The following FRYL variants were observed in gnomAD, a reference collection of about 807,000 sequenced individuals.
FRYL encodes the protein FRY like transcription coactivator.
Under a neutral mutation model 351.2 loss-of-function variants are expected in FRYL, and 150 were observed. That is an observed-to-expected ratio of 0.43 (90% confidence interval 0.37 to 0.49). The LOEUF (loss-of-function observed/expected upper bound fraction) is 0.49, where lower values mean the gene tolerates loss of function less well. Ranked by LOEUF, FRYL falls within the 20% of genes least tolerant of loss-of-function variation. The pLI, the probability that FRYL is intolerant of heterozygous loss-of-function variation, is 0.00. For missense variants in FRYL, 3,036 were observed against 3,619.3 expected (o/e 0.84, Z 4.13); for synonymous variants, 1,153 against 1,257.1 (o/e 0.92, Z 1.75).
At position 48,589,869 on chromosome 4, in the gene FRYL, C is replaced by T. The variant is rs762721444; in HGVS notation, c.1516G>A (p.Val506Ile). 2.7e-5 allele frequency: 43 copies of T among 1,611,326 alleles called. No homozygotes were observed. The South Asian group carries it at 4.6e-4, about 17-fold the overall frequency. ...GCTTTTCTTACTTGAGGATAGTAAACTGACATTCCTAGGGGAAAAAACTTC... is the reference window on the plus strand; with the variant it reads ...GCTTTTCTTACTTGAGGATAGTAAATTGACATTCCTAGGGGAAAAAACTTC... The part of the protein sequence containing the change: ...DEEAKVIGMS[V>I]YYPQVRKALD... The change falls in exon 18 of 64, where the codon GTT becomes ATT. Residue 506 changes from valine to isoleucine, a missense_variant. Around this residue, in one of 7 missense-constraint regions of FRYL, gnomAD observed 78 missense variants for 106.6 expected, o/e 0.73. Coordinates refer to ENST00000358350, the MANE Select transcript of FRYL (RefSeq NM_015030.2).
chr4:48,713,071 T>G (rs535845720), intron 1 of FRYL, among the ~76,000 whole-genome samples: 1 of 151,930 alleles, frequency 6.6e-6, no homozygotes, highest in African/African-American at 2.4e-5. Context: ...GAAGAGCTCC[T>G]GAAGGAAACA....
intron 34 of FRYL, 150 bp downstream of exon 34, chr4:48,557,303 A>C: frequency 8.3e-7 from 1 of 1,205,290 alleles, no homozygotes; most frequent in Non-Finnish European, 1.1e-6. Context: ...ATATGGTTTT[A>C]GTAAAAAAAA....
Position 48,535,806 on chromosome 4 carries a change from G to A in FRYL, c.6415C>T (p.Pro2139Ser). The A allele has an allele frequency of 6.5e-7, 1 of 1,540,442 alleles. No individual in the cohort carries two copies. Among genetic ancestry groups the A allele is most frequent in the Non-Finnish European group, 8.8e-7 (1 of 1,140,202 alleles). The change falls in exon 48 of 64, where the codon CCA becomes TCA. Residue 2139 changes from proline (P) to serine (S), a missense_variant. By Grantham distance (74) the Pro-to-Ser change is moderately conservative. Coordinates refer to ENST00000358350, the MANE Select transcript of FRYL (RefSeq NM_015030.2). ...ATGTGTGCCAGATTGACAAGTGTTG[G>A]GCATTTTTCTTCTGCACAAACCTAG... ...IAKVCAEEKCPTLVNLAHMMS... is the reference protein window; with the variant it reads ...IAKVCAEEKCSTLVNLAHMMS...
In FRYL at chr4:48,549,406, C is replaced by G; in HGVS notation, c.4784+67G>C. ...TTTCATTCTGTGTTGTCAGATAGCA[C>G]AAAGAAAGCCGACAGTGTTCAGCAG... is the stretch of plus-strand genomic sequence containing the variant. On this transcript the variant is annotated intron_variant, in intron 39 of 63. Transcript: ENST00000358350. This position sits in a 1 kb window ranked among gnomAD's most constrained non-coding sequence, Gnocchi z 4.2. 1.4e-6 allele frequency: 2 copies of G among 1,457,014 alleles called. No individual in the cohort carries two copies. The highest frequency in any genetic ancestry group is 1.9e-6 in the Non-Finnish European group (2 of 1,077,550). 90.3% of individuals were successfully genotyped at this position (1,457,014 alleles called of 1,614,324 possible). A position where few individuals can be genotyped will look rare whatever the true frequency, so the allele number is the denominator to read the frequency against.
chr4:48,776,816 C>A (rs1012977202), intron 1 of FRYL, among the ~76,000 whole-genome samples: 8 of 152,104 alleles, frequency 5.3e-5, no homozygotes, highest in Admixed American at 1.3e-4. Context: ...AGTCTACCCC[C>A]AAAACTACTT....
At chr4:48,721,487 C>G (rs1769466191) in intron 1 of FRYL, among the ~76,000 whole-genome samples, 1 of 151,472 alleles carries the variant, frequency 6.6e-6, no homozygotes, top group Admixed American at 6.6e-5. Context: ...ATAGGGAGAC[C>G]CCATCTCTAT....
chr4:48,566,408 G>A (rs1736796937), intron 28 of FRYL, among the ~76,000 whole-genome samples: 1 of 123,580 alleles, frequency 8.1e-6, no homozygotes, highest in African/African-American at 2.5e-5. Flanking sequence ...AAACCAATGT[G>A]GAAGTTGTAA....
chr4:48,681,143 T>C, intron 3 of FRYL: 2 of 1,170,656 alleles, frequency 1.7e-6, no homozygotes, highest in Non-Finnish European at 2.2e-6. Context: ...TTCTTCTACA[T>C]TACTAGGCCC....
At chr4:48,509,001 C>G (rs115908382) in intron 59 of FRYL, among the ~76,000 whole-genome samples, 1 of 152,202 alleles carries the variant, frequency 6.6e-6, no homozygotes, top group African/African-American at 2.4e-5. Flanking sequence ...GGTGTGGCGA[C>G]AAGAGAAGCA....
intron 5 of FRYL, among the ~76,000 whole-genome samples, chr4:48,622,496 G>T (rs1750863371): frequency 6.6e-6 from 1 of 152,104 alleles, no homozygotes; most frequent in African/African-American, 2.4e-5. Flanking sequence ...CAGTATTTTG[G>T]TAAGTCTCCA....
At chr4:48,544,956 A>G in intron 42 of FRYL, 52 bp from the exon 43 acceptor site, 1 of 1,553,286 alleles carries the variant, frequency 6.4e-7, no homozygotes, top group Non-Finnish European at 8.7e-7. Flanking sequence ...TGTGATTAAC[A>G]GTTGTACTCA....
intron 33 of FRYL, among the ~76,000 whole-genome samples, chr4:48,560,618 G>A (rs1297693891): frequency 3.3e-5 from 5 of 152,114 alleles, no homozygotes; most frequent in African/African-American, 4.8e-5. Flanking sequence ...CACGGCGGCC[G>A]CTATTTTGTG....
At chr4:48,655,354 ATTAGT>A (rs1203288209) in intron 3 of FRYL, among the ~76,000 whole-genome samples, 1 of 152,120 alleles carries the variant, frequency 6.6e-6, no homozygotes, top group African/African-American at 2.4e-5. Flanking sequence ...ACATCTCGTA[ATTAGT>A]TTAGACACCA....
In FRYL at chr4:48,671,858, CAAAAAAAAAAAAAACAA is replaced by C. The variant is rs1416303359; in HGVS notation, c.-81+12798_-81+12814del. Among the ~76,000 whole-genome samples, 44 of 22,400 alleles carry C rather than the reference CAAAAAAAAAAAAAACAA, an allele frequency of 2.0e-3. No homozygotes were observed. The East Asian group carries it at 0.031, about 16-fold the overall frequency. The allele number at this position is 22,400 out of a possible 152,430, so 14.7% of individuals were successfully genotyped here. A position where few individuals can be genotyped will look rare whatever the true frequency, so the allele number is the denominator to read the frequency against. On this transcript the variant is annotated intron_variant, in intron 3 of 63. Transcript: ENST00000358350. The stretch of plus-strand genomic sequence containing the variant: ...AGAGAGAGAGACTCCGTCTCAAAAA[CAAAAAAAAAAAAAACAA>C]AAAAAAAAAAAAAAAAGAAGGAAAG...
chr4:48,720,173 T>C (rs1408234066), intron 1 of FRYL, among the ~76,000 whole-genome samples: 1 of 128,464 alleles, frequency 7.8e-6, no homozygotes, highest in Non-Finnish European at 1.7e-5. Context: ...ATCAGGAAAA[T>C]ACATATAATT....
chr4:48,551,031 C>A (rs1732627862), intron 37 of FRYL, among the ~76,000 whole-genome samples: 1 of 151,398 alleles, frequency 6.6e-6, no homozygotes, highest in Non-Finnish European at 1.5e-5. Flanking sequence ...TGCACCACTG[C>A]ACTCCAGTCT....
At chr4:48,595,501 G>A in intron 15 of FRYL, 89 bp downstream of exon 15, 1 of 627,808 alleles carries the variant, frequency 1.6e-6, no homozygotes, top group Non-Finnish European at 2.7e-6. Context: ...TATGTTTTTA[G>A]ATGCATAAAA....
At chr4:48,709,570 G>C (rs1018668860) in intron 2 of FRYL, among the ~76,000 whole-genome samples, 3 of 152,082 alleles carry the variant, frequency 2.0e-5, no homozygotes, top group Non-Finnish European at 4.4e-5. Flanking sequence ...CTATCAGATA[G>C]GTTAGGGAAG....
At chr4:48,680,460 C>CA (rs540715893) in intron 3 of FRYL, among the ~76,000 whole-genome samples, 82 of 151,930 alleles carry the variant, frequency 5.4e-4, no homozygotes, top group Non-Finnish European at 9.6e-4. Context: ...TTACACATAA[C>CA]AAAAATACTA....
Sources: gnomAD v4.1 joint callset for allele counts (sites outside exome capture counted in the v4.1 genomes callset) on GRCh38, gnomAD v4.1.1 for gene constraint, gnomAD v4.1.1 regional missense constraint, Gnocchi (gnomAD v3.1) non-coding constraint, MANE v1.5 for transcripts, NCBI Gene and HGNC (gene_info 2026-07-23, HGNC 2026-07-21) for gene names.